Variants in ZDHHC20 observed in about 807,000 individuals in gnomAD.
ZDHHC20 encodes zDHHC palmitoyltransferase 20.
In ZDHHC20, 43 loss-of-function variants were observed where a neutral mutation model predicts 57.8. The observed-to-expected ratio is 0.74, with a 90% CI of 0.58 to 0.96. The LOEUF (loss-of-function observed/expected upper bound fraction) is 0.96. Among genes scored for constraint, ZDHHC20 ranks in the 40% least tolerant of loss-of-function variants. The pLI is 0.00. For synonymous variants in ZDHHC20, 157 were observed against 153.0 expected (o/e 1.03, Z -0.19); for missense variants, 391 against 441.1 (o/e 0.89, Z 1.02).
rs550114550 is a variant in ZDHHC20, at chr13:21,374,458, C to T, written c.*2238G>A. 2 of 455,172 alleles carry T rather than the reference C, an allele frequency of 4.4e-6. No individual in the cohort carries two copies. The highest frequency in any genetic ancestry group is 2.0e-5 in the African/African-American group (1 of 50,042). The allele number at this position is 455,172 out of a possible 1,614,324, so 28.2% of individuals were successfully genotyped here. A position where few individuals can be genotyped will look rare whatever the true frequency, so the allele number is the denominator to read the frequency against. ...CCATTTTGACCAGGCTAATCTCGAA[C>T]CCCTGACCTCAGGTGATCCGCCAGC... On this transcript the variant is annotated 3_prime_UTR_variant, in exon 13 of 13. Coordinates refer to ENST00000400590, the MANE Select transcript of ZDHHC20 (RefSeq NM_001330059.2).
intron 1 of ZDHHC20, among the ~76,000 whole-genome samples, chr13:21,449,250 TAAAC>T (rs902381115): frequency 3.3e-5 from 5 of 152,106 alleles, no homozygotes; most frequent in Non-Finnish European, 5.9e-5. Flanking sequence ...TAAATAAAAA[TAAAC>T]AACCACTGTT....
intron 1 of ZDHHC20, among the ~76,000 whole-genome samples, chr13:21,428,721 A>T (rs1377944552): frequency 2.0e-5 from 3 of 151,522 alleles, no homozygotes; most frequent in Non-Finnish European, 4.4e-5. Flanking sequence ...TTAGCTGGGC[A>T]TGGTGGCGTG....
intron 2 of ZDHHC20, among the ~76,000 whole-genome samples, chr13:21,424,807 T>C (rs1593247884): frequency 6.6e-6 from 1 of 152,292 alleles, no homozygotes; most frequent in Admixed American, 6.5e-5. Flanking sequence ...CTGAAATTCT[T>C]TGCTTTCTGT....
chr13:21,407,473 A>T (rs1878610385), intron 4 of ZDHHC20, among the ~76,000 whole-genome samples: 1 of 152,062 alleles, frequency 6.6e-6, no homozygotes, highest in Non-Finnish European at 1.5e-5. Flanking sequence ...CATTTTGATG[A>T]GGTTGTTTTT....
chr13:21,416,203 C>CA (rs55796229), intron 3 of ZDHHC20, among the ~76,000 whole-genome samples: 4,464 of 71,072 alleles, frequency 0.063, 262 homozygotes, highest in African/African-American at 0.15. Flanking sequence ...GACTCCATCT[C>CA]AAAAAAAAAA....
chr13:21,432,391 G>A (rs563320740), intron 1 of ZDHHC20, among the ~76,000 whole-genome samples: 10 of 151,288 alleles, frequency 6.6e-5, no homozygotes, highest in East Asian at 1.9e-4. Context: ...GTGCAGTGGC[G>A]TGATCTCGGC....
In ZDHHC20 at chr13:21,381,868, GATCTAT is replaced by G. The variant is rs112335574; in HGVS notation, c.945-325_945-320del. ...CATAGGTAGTACAAGGACAGGTGAG[GATCTAT>G]ATCTGTGGCCAGTACAAAACAATTA... On this transcript the variant is annotated intron_variant, in intron 10 of 12. Transcript: ENST00000400590. The G allele has an allele frequency of 4.5e-4, 255 of 568,540 alleles. 2 individuals are homozygous for G. Among genetic ancestry groups the G allele is most frequent in the African/African-American group, 3.0e-3 (166 of 54,620 alleles). The allele number at this position is 568,540 out of a possible 1,614,324, so 35.2% of individuals were successfully genotyped here. A position where few individuals can be genotyped will look rare whatever the true frequency, so the allele number is the denominator to read the frequency against.
At chr13:21,450,631 G>A (rs933246053) in intron 1 of ZDHHC20, among the ~76,000 whole-genome samples, 3 of 152,106 alleles carry the variant, frequency 2.0e-5, no homozygotes, top group Non-Finnish European at 4.4e-5. Context: ...GAAGGCTAAG[G>A]TAACTGCAGA....
chr13:21,404,249 GTTCT>G (rs1878126093), intron 4 of ZDHHC20: 5 of 462,808 alleles, frequency 1.1e-5, no homozygotes, highest in South Asian at 7.7e-5. Context: ...TCTTCTTTCT[GTTCT>G]TTGTTTCCAC....
rs375930619 is a variant in ZDHHC20 at position 21,413,781 on chromosome 13, G to A, written c.250-9C>T. 196 of 1,599,548 alleles carry A rather than the reference G, an allele frequency of 1.2e-4. No individual in the cohort carries two copies. Among genetic ancestry groups the A allele is most frequent in the Non-Finnish European group, 1.6e-4 (188 of 1,174,360 alleles). ...GAATTGGACAAGTAGAACTATAAAA[G>A]GAAAGAGGACTATTAAATTTTTTTA... On this transcript the variant is annotated splice_polypyrimidine_tract_variant and intron_variant, in intron 3 of 12. Coordinates refer to ENST00000400590, the MANE Select transcript of ZDHHC20 (RefSeq NM_001330059.2).
intron 2 of ZDHHC20, among the ~76,000 whole-genome samples, chr13:21,421,822 T>A (rs939595681): frequency 2.0e-5 from 3 of 152,156 alleles, no homozygotes; most frequent in African/African-American, 4.8e-5. Flanking sequence ...GAACTATCTA[T>A]CAGATGCTTA....
intron 7 of ZDHHC20, among the ~76,000 whole-genome samples, chr13:21,393,701 A>C (rs992086746): frequency 6.3e-5 from 3 of 47,602 alleles, no homozygotes; most frequent in Admixed American, 2.3e-4. Context: ...AAGTCTCACA[A>C]AAAAAAAAAA....
chr13:21,458,829 G>C (rs541805727), intron 1 of ZDHHC20, among the ~76,000 whole-genome samples: 1 of 152,302 alleles, frequency 6.6e-6, no homozygotes, highest in South Asian at 2.1e-4. Flanking sequence ...CTGCACCCGG[G>C]AAGCCGCCGC....
intron 12 of ZDHHC20, chr13:21,376,962 G>C (rs537011583): frequency 3.8e-5 from 7 of 185,286 alleles, no homozygotes; most frequent in Non-Finnish European, 1.1e-5. Flanking sequence ...TAAGATTGGC[G>C]CAAGATGTAG....
chr13:21,412,967 C>CA (rs60707653), intron 4 of ZDHHC20, among the ~76,000 whole-genome samples: 1,843 of 66,854 alleles, frequency 0.028, 83 homozygotes, highest in African/African-American at 0.042. Flanking sequence ...GACTCCGTCT[C>CA]AAAAAAAAAA....
At chr13:21,447,016 A>G (rs536159973) in intron 1 of ZDHHC20, among the ~76,000 whole-genome samples, 1 of 152,220 alleles carries the variant, frequency 6.6e-6, no homozygotes, top group East Asian at 1.9e-4. Context: ...AATAGGAGTA[A>G]CAAACTGGTA....
chr13:21,405,358 C>T (rs530128296), intron 4 of ZDHHC20, among the ~76,000 whole-genome samples: 6 of 152,198 alleles, frequency 3.9e-5, no homozygotes, highest in African/African-American at 1.4e-4. Context: ...AAATAGAGAG[C>T]TACCGCTTTA....
chr13:21,452,866 A>C (rs995625327), intron 1 of ZDHHC20, among the ~76,000 whole-genome samples: 1 of 151,942 alleles, frequency 6.6e-6, no homozygotes, highest in East Asian at 1.9e-4. Flanking sequence ...AATCAAAATT[A>C]AAAAAATTGT....
intron 1 of ZDHHC20, among the ~76,000 whole-genome samples, chr13:21,437,841 GCCA>G (rs1212123066): frequency 6.6e-6 from 1 of 151,984 alleles, no homozygotes; most frequent in Non-Finnish European, 1.5e-5. Flanking sequence ...ACAGGCGCCC[GCCA>G]CCACGCCTGG....
Sources: gnomAD v4.1 joint callset for allele counts (sites outside exome capture counted in the v4.1 genomes callset) on GRCh38, gnomAD v4.1.1 for gene constraint, MANE v1.5 for transcripts, NCBI Gene and HGNC (gene_info 2026-07-23, HGNC 2026-07-21) for gene names.